Variants in NKD1 observed in about 807,000 individuals in gnomAD.
The protein encoded by NKD1 is protein naked cuticle homolog 1.
In NKD1, 21 loss-of-function variants were observed where a neutral mutation model predicts 56.0. That is an observed-to-expected ratio of 0.38 (90% CI 0.27 to 0.54). The LOEUF (loss-of-function observed/expected upper bound fraction) is 0.54, where lower values mean the gene tolerates loss of function less well. Ranked by LOEUF, NKD1 falls within the 20% of genes least tolerant of loss-of-function variation. The pLI, the probability that NKD1 is intolerant of heterozygous loss-of-function variation, is 0.82. For synonymous variants in NKD1, 263 were observed against 265.7 expected, an observed-to-expected ratio of 0.99 and a Z score of 0.10; for missense variants, 578 against 642.7, an observed-to-expected ratio of 0.90 and a Z score of 1.09.
intron 4 of NKD1, among the ~76,000 whole-genome samples, chr16:50,620,381 GGCCCAGCGGC>G (rs1962058536): frequency 6.6e-6 from 1 of 152,164 alleles, no homozygotes; most frequent in South Asian, 2.1e-4. Flanking sequence ...CTAGTTTCCT[GGCCCAGCGGC>G]CTCATTTCTC....
intron 3 of NKD1, among the ~76,000 whole-genome samples, chr16:50,593,514 A>G (rs1472882108): frequency 6.6e-6 from 1 of 152,188 alleles, no homozygotes; most frequent in Non-Finnish European, 1.5e-5. Flanking sequence ...ACAGAGAGAA[A>G]GAAGATGTCC....
At chr16:50,560,931 G>T in intron 3 of NKD1, among the ~76,000 whole-genome samples, 1 of 151,954 alleles carries the variant, frequency 6.6e-6, no homozygotes, top group East Asian at 1.9e-4. Flanking sequence ...GAAAAACGCT[G>T]GTGTGGGTCA....
chr16:50,588,212 A>G (rs970054247), intron 3 of NKD1, among the ~76,000 whole-genome samples: 1 of 152,236 alleles, frequency 6.6e-6, no homozygotes, highest in Non-Finnish European at 1.5e-5. Flanking sequence ...AGTTCATTCA[A>G]CTTACATATC....
rs532325617 is a variant in NKD1 at position 50,574,452 on chromosome 16, G to A, written c.192+24897G>A. ...AGGGACTAAATTTAGGATTCCTTGG[G>A]ACTTGGCTGGGCCTCATCTTGTTTT... On this transcript the variant is annotated intron_variant, in intron 3 of 9. Transcript: ENST00000268459. The A allele has an allele frequency of 1.5e-5, 15 of 985,424 alleles. No individual in the cohort carries two copies. In the South Asian group the frequency reaches 6.1e-4, roughly 40 times the overall value. The allele number at this position is 985,424 out of a possible 1,614,324, so 61.0% of individuals were successfully genotyped here.
intron 3 of NKD1, among the ~76,000 whole-genome samples, chr16:50,584,810 G>C (rs1477344463): frequency 6.6e-6 from 1 of 152,204 alleles, no homozygotes; most frequent in Non-Finnish European, 1.5e-5. Flanking sequence ...GATGTCACCT[G>C]CTGAGCCCTT....
At chr16:50,552,696 C>T (rs1156341773) in intron 3 of NKD1, among the ~76,000 whole-genome samples, 2 of 152,244 alleles carry the variant, frequency 1.3e-5, no homozygotes, top group African/African-American at 2.4e-5. Flanking sequence ...ATAATATTTT[C>T]ATCCCTGGCG....
At chr16:50,575,092 G>A (rs568091346) in intron 3 of NKD1, 33 of 982,958 alleles carry the variant, frequency 3.4e-5, no homozygotes, top group Non-Finnish European at 3.7e-5. Context: ...CCAGTAAGTA[G>A]GTGTTTTTTT....
rs540669837 is a variant in NKD1, at chr16:50,623,414, C to T, written c.366+1706C>T. Among the ~76,000 whole-genome samples the T allele has an allele frequency of 5.9e-5, 9 of 152,238 alleles. No homozygotes were observed. The highest frequency in any genetic ancestry group is 3.9e-4 in the East Asian group (2 of 5,142). On this transcript the variant is annotated intron_variant, in intron 5 of 9. Coordinates refer to ENST00000268459, the MANE Select transcript of NKD1 (RefSeq NM_033119.5). The surrounding 1 kb of genome is among the most constrained non-coding windows in gnomAD (Gnocchi z 4.1). ...CCAGCTTCTTCCTGGAGCCCAGCCC[C>T]GCCCTAAGCCCACCTGGGTCCTTGT... is the stretch of plus-strand genomic sequence containing the variant.
chr16:50,564,169 G>C (rs1340455436), intron 3 of NKD1, among the ~76,000 whole-genome samples: 1 of 152,254 alleles, frequency 6.6e-6, no homozygotes, highest in East Asian at 1.9e-4. Flanking sequence ...GGTTAGCCCT[G>C]GCTGGCCGCA....
rs1415047887 is a variant in NKD1 at position 50,623,730 on chromosome 16, T to TGTGTGC, written c.367-1750_367-1749insCGTGTG. Among the ~76,000 whole-genome samples, 3 of 142,884 alleles carry TGTGTGC rather than the reference T, an allele frequency of 2.1e-5. No individual in the cohort carries two copies. The highest frequency in any genetic ancestry group is 8.3e-5 in the African/African-American group (3 of 36,254). The allele number at this position is 142,884 out of a possible 152,430, so 93.7% of individuals were successfully genotyped here. ...GTCTTGGAAACAGGTAAGTGCTGTG[T>TGTGTGC]GTGTGTGTGTGTGTGTGTGTGTGTG... is the stretch of plus-strand genomic sequence containing the variant. On this transcript the variant is annotated intron_variant, in intron 5 of 9. Transcript: ENST00000268459. This position sits in a 1 kb window ranked among gnomAD's most constrained non-coding sequence, Gnocchi z 4.1.
intron 4 of NKD1, among the ~76,000 whole-genome samples, chr16:50,609,806 C>G (rs2052879631): frequency 6.6e-6 from 1 of 152,170 alleles, no homozygotes; most frequent in African/African-American, 2.4e-5. Context: ...CAAATGTAAG[C>G]AGGCCCCAGA....
intron 5 of NKD1, 126 bp downstream of exon 5, chr16:50,621,834 T>C: frequency 1.4e-6 from 1 of 692,976 alleles, no homozygotes. Context: ...AACAGCACCC[T>C]CTGTGGGAGG....
At chr16:50,609,737 A>G (rs1961800740) in intron 4 of NKD1, among the ~76,000 whole-genome samples, 1 of 151,984 alleles carries the variant, frequency 6.6e-6, no homozygotes, top group Non-Finnish European at 1.5e-5. Flanking sequence ...GAAGATACTC[A>G]CTCCGTTGCC....
At chr16:50,629,647 C>A (rs1962299858) in intron 6 of NKD1, among the ~76,000 whole-genome samples, 1 of 152,078 alleles carries the variant, frequency 6.6e-6, no homozygotes, top group Admixed American at 6.6e-5. Flanking sequence ...ATCTGTAATC[C>A]CAACACTTAG....
In NKD1 at chr16:50,562,198, A is replaced by C. The variant is rs1308603065; in HGVS notation, c.192+12643A>C. 3 of 449,686 alleles carry C rather than the reference A, an allele frequency of 6.7e-6. No homozygotes were observed. In the Admixed American group the frequency reaches 1.9e-4, roughly 29 times the overall value. 27.9% of individuals were successfully genotyped at this position (449,686 alleles called of 1,614,324 possible). On this transcript the variant is annotated intron_variant, in intron 3 of 9. Transcript: ENST00000268459. ...GCGAGTAAGGGCCTCTCTTGCTGACAGGAAAGAGACCCTGAGACGCTGCTG... is the reference window on the plus strand; with the variant it reads ...GCGAGTAAGGGCCTCTCTTGCTGACCGGAAAGAGACCCTGAGACGCTGCTG...
At chr16:50,586,188 A>G (rs1368463656) in intron 3 of NKD1, among the ~76,000 whole-genome samples, 1 of 152,094 alleles carries the variant, frequency 6.6e-6, no homozygotes, top group Non-Finnish European at 1.5e-5. Context: ...CAAATTCCCA[A>G]CAAAGTTTTT....
chr16:50,566,046 C>G (rs1960752011), intron 3 of NKD1: 1 of 480,114 alleles, frequency 2.1e-6, no homozygotes, highest in Non-Finnish European at 2.7e-6. Context: ...TGTGGCTCTG[C>G]TATTTTTCTG....
rs569536150 is a variant in NKD1 at position 50,601,613 on chromosome 16, T to G, written c.193-6681T>G. ...CTGAGAAGCTGCCGATGAGATGAGA[T>G]GCAGCCTTGGCACCAGAGAAGAGCT... On this transcript the variant is annotated intron_variant, in intron 3 of 9. Coordinates refer to ENST00000268459, the MANE Select transcript of NKD1 (RefSeq NM_033119.5). Among the ~76,000 whole-genome samples, 5 of 152,270 alleles carry G rather than the reference T, an allele frequency of 3.3e-5. No individual in the cohort carries two copies. The East Asian group carries it at 9.7e-4, about 29-fold the overall frequency.
intron 3 of NKD1, among the ~76,000 whole-genome samples, chr16:50,592,281 C>G (rs1961384293): frequency 6.6e-6 from 1 of 152,198 alleles, no homozygotes; most frequent in South Asian, 2.1e-4. Context: ...GGCCACTGTC[C>G]CCAAGTCACT....
Sources: allele counts gnomAD v4.1 joint callset (sites outside exome capture counted in the v4.1 genomes callset), GRCh38; gene constraint gnomAD v4.1.1; non-coding constraint Gnocchi (gnomAD v3.1); transcripts MANE v1.5; gene names NCBI Gene and HGNC (gene_info 2026-07-23, HGNC 2026-07-21).